EVC: variants seen among roughly 807,000 people sequenced by gnomAD.
EVC encodes EvC ciliary complex subunit 1.
EVC carries 116 observed loss-of-function variants against 118.9 expected under a neutral mutation model. The observed-to-expected ratio is 0.98, with a 90% CI of 0.84 to 1.14. The LOEUF is 1.14. EVC is among the 50% of genes most tolerant of loss of function. The probability of loss-of-function intolerance (pLI) is 0.00; values close to 1 mark genes in which losing one functional copy is unlikely to be tolerated. For synonymous variants in EVC, 619 were observed against 534.7 expected, an observed-to-expected ratio of 1.16 and a Z score of -2.18; for missense variants, 1,401 against 1,246.4, an observed-to-expected ratio of 1.12 and a Z score of -1.87.
chr4:5,797,272 G>A lies in EVC; in HGVS notation c.2097+40G>A, dbSNP rs80194963. Reference sequence around the variant, plus strand: ...GTGGCCCCACCCATTCCAGACAGGCGGTGCCCCTGCAGCAGGCCCCAGCTT... The same window carrying A: ...GTGGCCCCACCCATTCCAGACAGGCAGTGCCCCTGCAGCAGGCCCCAGCTT... On this transcript the variant is annotated intron_variant, in intron 14 of 20. Transcript: ENST00000264956. 3,797 of 1,513,350 alleles carry A rather than the reference G, an allele frequency of 2.5e-3. 86 individuals carry two copies. In the African/African-American group the frequency reaches 0.046, roughly 18 times the overall value. 93.7% of individuals were successfully genotyped at this position (1,513,350 alleles called of 1,614,324 possible).
In EVC at chr4:5,810,858, G is replaced by A. The variant is rs1716798351; in HGVS notation, c.2895-95G>A. On this transcript the variant is annotated intron_variant, in intron 20 of 20. Coordinates refer to ENST00000264956, the MANE Select transcript of EVC (RefSeq NM_153717.3). ...GTAAAAATTGTTTTGATCACCTTTG[G>A]CTGCATTTTCATTTAATCCGATTGG... The A allele has an allele frequency of 8.3e-6, 10 of 1,200,454 alleles. 1 individual carries two copies. In the South Asian group the frequency reaches 1.3e-4, roughly 16 times the overall value. 74.4% of individuals were successfully genotyped at this position (1,200,454 alleles called of 1,614,324 possible).
rs2151843742 is a variant in EVC at position 5,719,507 on chromosome 4, TTACA to T, written c.300+139_300+142del. The T allele has an allele frequency of 7.7e-7, 1 of 1,294,496 alleles. No homozygotes were observed. The highest frequency in any genetic ancestry group is 1.2e-5 in the South Asian group (1 of 82,850). The allele number at this position is 1,294,496 out of a possible 1,614,324, so 80.2% of individuals were successfully genotyped here. ...ATGGGCTGCTTTTCTGAGGCATAAT[TTACA>T]TACAGTCAAATGCGCAGACTTTAGG... On this transcript the variant is annotated intron_variant, in intron 2 of 20. Transcript: ENST00000264956. The surrounding 1 kb of genome is among the most constrained non-coding windows in gnomAD (Gnocchi z 4.7).
chr4:5,745,895 C>T (rs1729294901), intron 7 of EVC, among the ~76,000 whole-genome samples: 1 of 152,142 alleles, frequency 6.6e-6, no homozygotes, highest in Non-Finnish European at 1.5e-5. Context: ...AACAGGTGAA[C>T]AGATGAGGGC....
chr4:5,828,958 G>T, the EVC span, among the ~76,000 whole-genome samples: 1 of 152,106 alleles, frequency 6.6e-6, no homozygotes, highest in Non-Finnish European at 1.5e-5. Flanking sequence ...CAATGTGGCT[G>T]CTTTGACTGT....
In EVC at chr4:5,798,994, C is replaced by G. The variant is rs1054692608; in HGVS notation, c.2304+202C>G. ...ATGGGGAGGGGCAGTCGCAGCAGAT[C>G]ACCGGTTCTCCCCCTGCTGTTAGGC... On this transcript the variant is annotated intron_variant, in intron 15 of 20. Coordinates refer to ENST00000264956, the MANE Select transcript of EVC (RefSeq NM_153717.3). The surrounding 1 kb of genome is among the most constrained non-coding windows in gnomAD (Gnocchi z 4.1). 6.6e-6 allele frequency among the ~76,000 whole-genome samples: 1 copy of G among 152,176 alleles called. No homozygotes were observed. Among genetic ancestry groups the G allele is most frequent in the Non-Finnish European group, 1.5e-5 (1 of 68,028 alleles).
At chr4:5,732,327 C>T (rs1281397845) in intron 4 of EVC, among the ~76,000 whole-genome samples, 1 of 152,188 alleles carries the variant, frequency 6.6e-6, no homozygotes, top group Non-Finnish European at 1.5e-5. Flanking sequence ...GTGGGATGAT[C>T]CAGGGCACAG....
chr4:5,790,855 A>T (rs1712637194), intron 12 of EVC, among the ~76,000 whole-genome samples: 1 of 152,214 alleles, frequency 6.6e-6, no homozygotes, highest in Admixed American at 6.5e-5. Context: ...GCACTTTGGG[A>T]GGCCGAGGCA....
rs1730894378 is a variant in EVC, at chr4:5,754,656, T to C, written c.1464+723T>C. 2.0e-5 allele frequency among the ~76,000 whole-genome samples: 3 copies of C among 152,036 alleles called. No homozygotes were observed. The South Asian group carries it at 6.2e-4, about 32-fold the overall frequency. ...AACCGTCTTGCAGGCTGGTTAAGCATTGGGCGCTGAGGCCAGCCACACTTG... is the reference window on the plus strand; with the variant it reads ...AACCGTCTTGCAGGCTGGTTAAGCACTGGGCGCTGAGGCCAGCCACACTTG... On this transcript the variant is annotated intron_variant, in intron 10 of 20. Transcript: ENST00000264956. This position sits in a 1 kb window ranked among gnomAD's most constrained non-coding sequence, Gnocchi z 5.8.
intron 4 of EVC, among the ~76,000 whole-genome samples, chr4:5,732,100 G>T (rs1726917522): frequency 7.1e-6 from 1 of 141,474 alleles, no homozygotes; most frequent in South Asian, 2.3e-4. Flanking sequence ...CCCCTATGAA[G>T]TTGGTACTGT....
rs1475679219 is a variant in EVC at position 5,749,045 on chromosome 4, AC to A, written c.1098+740del. Among the ~76,000 whole-genome samples, 1 of 152,028 alleles carries A rather than the reference AC, an allele frequency of 6.6e-6. No individual in the cohort carries two copies. The highest frequency in any genetic ancestry group is 6.6e-5 in the Admixed American group (1 of 15,266). On this transcript the variant is annotated intron_variant, in intron 8 of 20. Coordinates refer to ENST00000264956, the MANE Select transcript of EVC (RefSeq NM_153717.3). The surrounding 1 kb of genome is among the most constrained non-coding windows in gnomAD (Gnocchi z 4.4). ...ATGGTGGGAGCTGGGGTTGACGCCC[AC>A]TGGTGTAGACAGAGCATTGATTGAC...
At chr4:5,767,973 C>T (rs1733222596) in intron 11 of EVC, among the ~76,000 whole-genome samples, 1 of 152,204 alleles carries the variant, frequency 6.6e-6, no homozygotes, top group Non-Finnish European at 1.5e-5. Context: ...GTCTGCTAAC[C>T]AGGCATCTTG....
At chr4:5,759,825 C>T (rs13107323) in intron 11 of EVC, among the ~76,000 whole-genome samples, 70,253 of 152,046 alleles carry the variant, frequency 0.46, 16,534 homozygotes, top group South Asian at 0.58. Flanking sequence ...GCCTGGGACA[C>T]AGCCTCAGGA....
Position 5,809,515 on chromosome 4 carries a change from C to T in EVC, c.2689-3C>T, listed in dbSNP as rs1716545953. On this transcript the variant is annotated splice_polypyrimidine_tract_variant and splice_region_variant and intron_variant, in intron 18 of 20. Transcript: ENST00000264956. ...TGAATGCTCCTCTCTGCTTGCATTTCAGGAAGCTGAACAGAACTTCATCTC... is the reference window on the plus strand; with the variant it reads ...TGAATGCTCCTCTCTGCTTGCATTTTAGGAAGCTGAACAGAACTTCATCTC... The T allele has an allele frequency of 3.1e-6, 5 of 1,614,066 alleles. No homozygotes were observed. The highest frequency in any genetic ancestry group is 4.2e-6 in the Non-Finnish European group (5 of 1,179,922).
At chr4:5,823,867 A>T in the EVC span, among the ~76,000 whole-genome samples, 2 of 152,182 alleles carry the variant, frequency 1.3e-5, no homozygotes, top group African/African-American at 4.8e-5. Flanking sequence ...ACACTAACTC[A>T]TGGTACAGCT....
chr4:5,825,081 C>T, the EVC span: 3 of 985,254 alleles, frequency 3.0e-6, no homozygotes, highest in Admixed American at 6.1e-5. This position sits in a 1 kb window ranked among gnomAD's most constrained non-coding sequence, Gnocchi z 4.4. Flanking sequence ...GTGCTTAGTA[C>T]ACTGCAGTGG....
Position 5,716,123 on chromosome 4 carries a change from T to C in EVC, c.175-3125T>C, listed in dbSNP as rs148830682. Among the ~76,000 whole-genome samples, 340 of 152,320 alleles carry C rather than the reference T, an allele frequency of 2.2e-3. 1 individual carries two copies. The highest frequency in any genetic ancestry group is 4.5e-3 in the Admixed American group (69 of 15,300). ...AAGACCAGATAGCGACACTGAGGTT[T>C]TATAGTGGTAAAAAGGGAGGTGTTT... On this transcript the variant is annotated intron_variant, in intron 1 of 20. Coordinates refer to ENST00000264956, the MANE Select transcript of EVC (RefSeq NM_153717.3).
intron 11 of EVC, among the ~76,000 whole-genome samples, chr4:5,761,517 G>T (rs1732010522): frequency 6.6e-6 from 1 of 150,998 alleles, no homozygotes; most frequent in African/African-American, 2.4e-5. Flanking sequence ...GGTGGTTGGG[G>T]GGTGGGGCAG....
chr4:5,714,598 A>G (rs1267093452), intron 1 of EVC, among the ~76,000 whole-genome samples: 1 of 149,308 alleles, frequency 6.7e-6, no homozygotes, highest in Non-Finnish European at 1.5e-5. Context: ...TAAAATGTCC[A>G]CTCTTCCCAA....
chr4:5,715,831 C>A (rs1408963636), intron 1 of EVC, among the ~76,000 whole-genome samples: 1 of 150,302 alleles, frequency 6.7e-6, no homozygotes, highest in Non-Finnish European at 1.5e-5. Flanking sequence ...GCAACCTCCA[C>A]TTCCTGGGTT....
Sources: gnomAD v4.1 joint callset for allele counts (sites outside exome capture counted in the v4.1 genomes callset) on GRCh38, gnomAD v4.1.1 for gene constraint, Gnocchi (gnomAD v3.1) non-coding constraint, MANE v1.5 for transcripts, NCBI Gene and HGNC (gene_info 2026-07-23, HGNC 2026-07-21) for gene names.